Variants in MR1 observed in about 807,000 individuals in gnomAD.
The protein encoded by MR1 is major histocompatibility complex class I-related protein 1.
Under a neutral mutation model 37.8 loss-of-function variants are expected in MR1, and 44 were observed. The ratio of observed to expected loss-of-function variants is 1.16; its 90% confidence interval spans 0.91 to 1.50. The LOEUF (loss-of-function observed/expected upper bound fraction) is 1.50. MR1 is among the 40% of genes most tolerant of loss of function. The probability of loss-of-function intolerance (pLI) is 0.00; values close to 1 mark genes in which losing one functional copy is unlikely to be tolerated. For synonymous variants in MR1, 153 were observed against 155.8 expected, an observed-to-expected ratio of 0.98 and a Z score of 0.13; for missense variants, 386 against 419.1, an observed-to-expected ratio of 0.92 and a Z score of 0.69.
chr1:181,043,989 A>T, intron 1 of MR1, among the ~76,000 whole-genome samples: 1 of 117,794 alleles, frequency 8.5e-6, no homozygotes, highest in Admixed American at 1.1e-4. Flanking sequence ...TTTGAGACAG[A>T]GTCTCACTCT....
upstream of MR1, chr1:181,033,874 T>C: frequency 1.6e-6 from 1 of 643,288 alleles, no homozygotes; most frequent in Non-Finnish European, 2.6e-6. Flanking sequence ...TTTATCTTTT[T>C]TTTTTAACCT....
chr1:181,044,678 C>T (rs1042959924), intron 1 of MR1, among the ~76,000 whole-genome samples: 1 of 152,230 alleles, frequency 6.6e-6, no homozygotes, highest in Non-Finnish European at 1.5e-5. Flanking sequence ...CTGAGGTTTA[C>T]ACAACAAACT....
chr1:181,044,373 A>T (rs764894887), intron 1 of MR1, among the ~76,000 whole-genome samples: 3 of 152,164 alleles, frequency 2.0e-5, no homozygotes, highest in Non-Finnish European at 4.4e-5. Flanking sequence ...AGGTTAGAAG[A>T]TCTGAATGTA....
At chr1:181,034,178 G>A (rs1657154876) in intron 1 of MR1, 104 bp downstream of exon 1, 2 of 1,067,308 alleles carry the variant, frequency 1.9e-6, no homozygotes, top group African/African-American at 1.6e-5. Flanking sequence ...AGAAGCCAGG[G>A]GCAGAAACGT....
chr1:181,049,778 C>T, intron 2 of MR1: 1 of 565,386 alleles, frequency 1.8e-6, no homozygotes, highest in Non-Finnish European at 3.2e-6. Context: ...GGATAACTCC[C>T]CAAGGCGGGA....
chr1:181,055,397 T>A lies in MR1; in HGVS notation c.*132T>A. ...TACATGAGAGTAATGGGATTGAGCA[T>A]TTATGGCAGCAACAGAGGAGCCACA... On this transcript the variant is annotated 3_prime_UTR_variant, in exon 6 of 6. Transcript: ENST00000367580. 1.3e-6 allele frequency: 1 copy of A among 779,730 alleles called. No individual in the cohort carries two copies. Among genetic ancestry groups the A allele is most frequent in the South Asian group, 1.7e-5 (1 of 58,148 alleles). 48.3% of individuals were successfully genotyped at this position (779,730 alleles called of 1,614,324 possible). A position where few individuals can be genotyped will look rare whatever the true frequency, so the allele number is the denominator to read the frequency against.
At chr1:181,038,697 T>C (rs1167811483) in intron 1 of MR1, among the ~76,000 whole-genome samples, 1 of 152,246 alleles carries the variant, frequency 6.6e-6, no homozygotes, top group African/African-American at 2.4e-5. Flanking sequence ...GGTTGGGTAG[T>C]CTCAAGGTAG....
rs142341391 is a variant in MR1, at chr1:181,051,261, CA to C, written c.605-962del. ...CAAAACACACTCCTAAAAAAACAAACAAAAAAAAAAAAGAAAAGAAAAAACA... is the reference window on the plus strand; with the variant it reads ...CAAAACACACTCCTAAAAAAACAAACAAAAAAAAAAAGAAAAGAAAAAACA... On this transcript the variant is annotated intron_variant, in intron 3 of 5. Coordinates refer to ENST00000367580, the MANE Select transcript of MR1 (RefSeq NM_001385161.1). 8.5e-3 allele frequency: 1,052 copies of C among 123,096 alleles called. 12 individuals are homozygous for C. The highest frequency in any genetic ancestry group is 0.024 in the African/African-American group (806 of 34,148). 7.6% of individuals were successfully genotyped at this position (123,096 alleles called of 1,614,324 possible).
At chr1:181,035,323 T>C (rs1440414786) in intron 1 of MR1, among the ~76,000 whole-genome samples, 1 of 151,300 alleles carries the variant, frequency 6.6e-6, no homozygotes, top group East Asian at 1.9e-4. Flanking sequence ...GGTGACAGAG[T>C]GAGACTCCAT....
chr1:181,037,161 A>G (rs1160222910), intron 1 of MR1: 1 of 152,216 alleles, frequency 6.6e-6, no homozygotes, highest in Non-Finnish European at 1.5e-5. Context: ...TAAATCTGCT[A>G]TATCAATCTA....
chr1:181,051,709 G>A (rs1286527874), intron 3 of MR1, among the ~76,000 whole-genome samples: 1 of 152,116 alleles, frequency 6.6e-6, no homozygotes, highest in Non-Finnish European at 1.5e-5. Context: ...CACAACCATG[G>A]CATGATCTAC....
intron 4 of MR1, 99 bp downstream of exon 4, chr1:181,052,609 C>G (rs1295122872): frequency 8.3e-6 from 11 of 1,322,072 alleles, no homozygotes; most frequent in Non-Finnish European, 1.0e-5. Context: ...AGATCACTGC[C>G]TCACTCAGTG....
intron 1 of MR1, among the ~76,000 whole-genome samples, chr1:181,035,022 TG>T (rs1347951275): frequency 6.6e-6 from 1 of 152,054 alleles, no homozygotes; most frequent in Non-Finnish European, 1.5e-5. Flanking sequence ...ATCATATGGC[TG>T]GGAGTGGTGG....
rs1367699169 is a variant in MR1, at chr1:181,056,450, T to C, written c.*1185T>C. The C allele has an allele frequency of 6.6e-6, 1 of 152,088 alleles. No homozygotes were observed. The highest frequency in any genetic ancestry group is 1.5e-5 in the Non-Finnish European group (1 of 68,018). 9.4% of individuals were successfully genotyped at this position (152,088 alleles called of 1,614,324 possible). ...AGAGGGCTCAATTCTCATTTCTGCC[T>C]TTCCTGTGCTGGCTCATGGTAGCTG... is the stretch of plus-strand genomic sequence containing the variant. On this transcript the variant is annotated 3_prime_UTR_variant, in exon 6 of 6. Transcript: ENST00000367580.
chr1:181,043,700 TACAC>T (rs974176409), intron 1 of MR1, among the ~76,000 whole-genome samples: 8 of 151,814 alleles, frequency 5.3e-5, no homozygotes, highest in African/African-American at 1.9e-4. Context: ...AACCCTGTCA[TACAC>T]ACACACACAT....
intron 1 of MR1, among the ~76,000 whole-genome samples, chr1:181,040,989 G>C (rs908882090): frequency 6.6e-6 from 1 of 152,000 alleles, no homozygotes; most frequent in Non-Finnish European, 1.5e-5. Flanking sequence ...GGCTGAGGCA[G>C]GAGAATCGCT....
In MR1 at chr1:181,058,841, A is replaced by T. The variant is rs1377109420; in HGVS notation, c.*3576A>T. The T allele has an allele frequency of 6.6e-6, 1 of 152,236 alleles. No individual in the cohort carries two copies. Among genetic ancestry groups the T allele is most frequent in the Non-Finnish European group, 1.5e-5 (1 of 68,042 alleles). 9.4% of individuals were successfully genotyped at this position (152,236 alleles called of 1,614,324 possible). ...CCAATGTATTAATTTACTGTGAGAAACACAATTGCTAAGTGGGTCAGATAT... is the reference window on the plus strand; with the variant it reads ...CCAATGTATTAATTTACTGTGAGAATCACAATTGCTAAGTGGGTCAGATAT... On this transcript the variant is annotated 3_prime_UTR_variant, in exon 6 of 6. Transcript: ENST00000367580.
intron 4 of MR1, 86 bp downstream of exon 4, chr1:181,052,596 G>A (rs1415790135): frequency 4.2e-6 from 6 of 1,415,778 alleles, no homozygotes; most frequent in Non-Finnish European, 4.8e-6. Flanking sequence ...GGGAGGGGAG[G>A]ATAGATCACT....
intron 1 of MR1, among the ~76,000 whole-genome samples, chr1:181,044,607 T>C (rs1484328234): frequency 6.6e-6 from 1 of 152,070 alleles, no homozygotes; most frequent in Non-Finnish European, 1.5e-5. Context: ...GCCCCTCCAC[T>C]CTAGACCAGA....
Sources: allele counts gnomAD v4.1 joint callset (sites outside exome capture counted in the v4.1 genomes callset), GRCh38; gene constraint gnomAD v4.1.1; transcripts MANE v1.5; gene names NCBI Gene and HGNC (gene_info 2026-07-23, HGNC 2026-07-21).